The following LIMS1 variants were observed in gnomAD, a reference collection of about 807,000 sequenced individuals.
LIMS1 encodes LIM zinc finger domain containing 1.
A neutral mutation model predicts 44.1 loss-of-function variants in LIMS1; 18 were observed. That is an observed-to-expected ratio of 0.41 (90% confidence interval 0.28 to 0.61). The LOEUF is 0.61. Ranked by LOEUF, LIMS1 falls within the 20% of genes least tolerant of loss-of-function variation. The pLI, the probability that LIMS1 is intolerant of heterozygous loss-of-function variation, is 0.32. For missense variants in LIMS1, 201 were observed against 422.0 expected, an observed-to-expected ratio of 0.48 and a Z score of 4.59; for synonymous variants, 93 against 149.1, an observed-to-expected ratio of 0.62 and a Z score of 2.74.
Position 108,676,524 on chromosome 2 carries a change from G to A in LIMS1, c.682-82G>A, listed in dbSNP as rs982889243. 21 of 1,493,964 alleles carry A rather than the reference G, an allele frequency of 1.4e-5. No homozygotes were observed. The Admixed American group carries it at 4.8e-4, about 34-fold the overall frequency. 92.5% of individuals were successfully genotyped at this position (1,493,964 alleles called of 1,614,324 possible). The stretch of plus-strand genomic sequence containing the variant: ...TCTCAAACTTTCCTTCATCTTCTCT[G>A]AAAATAGGTTAACTCTGGTATTTAC... On this transcript the variant is annotated intron_variant, in intron 6 of 9. Coordinates refer to ENST00000544547, the Ensembl canonical transcript of LIMS1.
intron 3 of LIMS1, chr2:108,671,095 C>T (rs1217894685): frequency 2.1e-6 from 1 of 474,826 alleles, no homozygotes; most frequent in Non-Finnish European, 3.8e-6. Context: ...CGCTCGAACC[C>T]AGGGGGCAGA....
chr2:108,592,882 G>A (rs1253477247), intron 1 of LIMS1, among the ~76,000 whole-genome samples: 1 of 152,156 alleles, frequency 6.6e-6, no homozygotes, highest in South Asian at 2.1e-4. Flanking sequence ...AACAACAAAT[G>A]TTCCCCTTTT....
At chr2:108,642,814 T>A (rs893287086) in intron 1 of LIMS1, among the ~76,000 whole-genome samples, 38 of 152,194 alleles carry the variant, frequency 2.5e-4, no homozygotes, top group Non-Finnish European at 8.8e-5. Context: ...ATGGCTTATG[T>A]CAGAGGTGGA....
At chr2:108,659,698 G>A in exon 2 of LIMS1, 1 of 1,612,472 alleles carries the variant, frequency 6.2e-7, no homozygotes, top group Non-Finnish European at 8.5e-7. Flanking sequence ...ATGGGGAGCT[G>A]TACCATGAGC....
intron 1 of LIMS1, among the ~76,000 whole-genome samples, chr2:108,555,654 G>A (rs1684901723): frequency 6.6e-6 from 1 of 152,206 alleles, no homozygotes; most frequent in Non-Finnish European, 1.5e-5. Context: ...TTTACCCTGT[G>A]GTGATTATTC....
intron 1 of LIMS1, chr2:108,607,177 G>C: frequency 6.5e-7 from 1 of 1,548,930 alleles, no homozygotes; most frequent in South Asian, 1.2e-5. Context: ...ACAGTGAGAG[G>C]GTGCCATCTA....
At chr2:108,627,557 G>GC (rs1340742420) in intron 1 of LIMS1, among the ~76,000 whole-genome samples, 4 of 152,072 alleles carry the variant, frequency 2.6e-5, no homozygotes, top group African/African-American at 9.7e-5. Context: ...TAATTTGGTT[G>GC]CTTTCCTGTT....
chr2:108,561,342 A>G (rs1320592906), intron 1 of LIMS1, among the ~76,000 whole-genome samples: 1 of 152,238 alleles, frequency 6.6e-6, no homozygotes. Context: ...TAAGTGGCCT[A>G]TGAAGTAGGT....
intron 1 of LIMS1, among the ~76,000 whole-genome samples, chr2:108,627,862 A>G (rs60889586): frequency 0.035 from 5,393 of 152,334 alleles, 331 homozygotes; most frequent in African/African-American, 0.12. Flanking sequence ...TCACATAAAT[A>G]TGAACCTCCT....
intron 1 of LIMS1, among the ~76,000 whole-genome samples, chr2:108,622,183 G>A (rs991603939): frequency 6.6e-6 from 1 of 152,144 alleles, no homozygotes; most frequent in Non-Finnish European, 1.5e-5. Context: ...ATGACAGAAG[G>A]CTGCAGTAAA....
At chr2:108,540,413 T>TGGTC (rs1192278470) in intron 1 of LIMS1, among the ~76,000 whole-genome samples, 4 of 152,126 alleles carry the variant, frequency 2.6e-5, no homozygotes. Context: ...TTAGCCAGGA[T>TGGTC]GGTCTCTACC....
At chr2:108,679,639 G>A (rs767808020) in intron 8 of LIMS1, among the ~76,000 whole-genome samples, 17 of 152,224 alleles carry the variant, frequency 1.1e-4, no homozygotes, top group Admixed American at 2.6e-4. Flanking sequence ...GTTGAGGGCC[G>A]GGTGTGGTGG....
intron 2 of LIMS1, chr2:108,662,826 C>T (rs1691471483): frequency 1.9e-5 from 15 of 808,112 alleles, no homozygotes; most frequent in Non-Finnish European, 2.3e-5. Flanking sequence ...GCTTTTGTCT[C>T]GTTATCAGAA....
At chr2:108,608,374 C>T (rs369813744) in intron 1 of LIMS1, among the ~76,000 whole-genome samples, 4 of 150,382 alleles carry the variant, frequency 2.7e-5, no homozygotes, top group East Asian at 2.0e-4. Context: ...GGCGTGATCT[C>T]GGCTCACTGA....
chr2:108,551,130 A>G (rs1369502726), intron 1 of LIMS1, among the ~76,000 whole-genome samples: 1 of 152,012 alleles, frequency 6.6e-6, no homozygotes, highest in Non-Finnish European at 1.5e-5. Context: ...CTACCTCAAG[A>G]AACAAAAACA....
In LIMS1 at chr2:108,607,288, C is replaced by T. The variant is rs776706213; in HGVS notation, c.33-52317C>T. 4.5e-6 allele frequency: 7 copies of T among 1,545,936 alleles called. No individual in the cohort carries two copies. In the African/African-American group the frequency reaches 8.2e-5, roughly 18 times the overall value. ...CTGCTGCACAATATTGAGCTGTTCC[C>T]CCTCCAAATGAAACACAAATAGAAC... On this transcript the variant is annotated intron_variant, in intron 1 of 9. Transcript: ENST00000544547.
chr2:108,683,819 C>G (rs190999988), intron 9 of LIMS1, 66 bp from the exon 10 acceptor site: 2 of 816,976 alleles, frequency 2.4e-6, no homozygotes, highest in African/African-American at 3.5e-5. Context: ...TACTGCACAT[C>G]ATTTATATAT....
chr2:108,679,384 A>G lies in LIMS1; in HGVS notation c.824-1311A>G, dbSNP rs147119319. Among the ~76,000 whole-genome samples, 684 of 152,068 alleles carry G rather than the reference A, an allele frequency of 4.5e-3. 4 individuals carry two copies. Among genetic ancestry groups the G allele is most frequent in the South Asian group, 0.014 (68 of 4,812 alleles). On this transcript the variant is annotated intron_variant, in intron 8 of 9. Coordinates refer to ENST00000544547, the Ensembl canonical transcript of LIMS1. The stretch of plus-strand genomic sequence containing the variant: ...GATCCCAGCTACTCGGGAGGCTGAG[A>G]CAGGAGAATCACCTGAACCCGGGAG...
At chr2:108,620,122 G>C (rs979471421) in intron 1 of LIMS1, among the ~76,000 whole-genome samples, 2 of 152,148 alleles carry the variant, frequency 1.3e-5, no homozygotes, top group African/African-American at 2.4e-5. Flanking sequence ...GTAGCCCTCA[G>C]GGGAACTAGC....
Sources: gnomAD v4.1 joint callset for allele counts (sites outside exome capture counted in the v4.1 genomes callset) on GRCh38, gnomAD v4.1.1 for gene constraint, MANE v1.5 for transcripts, NCBI Gene and HGNC (gene_info 2026-07-23, HGNC 2026-07-21) for gene names.